CSMD1: variants seen among roughly 807,000 people sequenced by gnomAD.
CSMD1 encodes the protein CUB and sushi domain-containing protein 1.
A neutral mutation model predicts 417.5 loss-of-function variants in CSMD1; 213 were observed. The observed-to-expected ratio is 0.51, with a 90% CI of 0.46 to 0.57. The LOEUF is 0.57. Ranked by LOEUF, CSMD1 falls within the 20% of genes least tolerant of loss-of-function variation. The pLI is 0.00. For synonymous variants in CSMD1, 2,862 were observed against 1,736.8 expected (o/e 1.65, Z -16.11); for missense variants, 6,923 against 4,529.7 (o/e 1.53, Z -15.17).
chr8:3,352,270 G>A (rs1486956782), intron 21 of CSMD1, among the ~76,000 whole-genome samples: 2 of 152,054 alleles, frequency 1.3e-5, no homozygotes, highest in Non-Finnish European at 1.5e-5. Flanking sequence ...ATGGGAGATG[G>A]GATTGCAAAC....
In CSMD1 at chr8:4,823,338, T is replaced by C. The variant is rs752984658; in HGVS notation, c.85+170994A>G. On this transcript the variant is annotated intron_variant, in intron 1 of 69. Transcript: ENST00000635120. ...TTCTGTGATGACTTAGTTTTTAAAA[T>C]GTATTACAATTACAATTACACTCTA... Among the ~76,000 whole-genome samples the C allele has an allele frequency of 2.0e-5, 3 of 152,074 alleles. No homozygotes were observed. The East Asian group carries it at 5.8e-4, about 29-fold the overall frequency.
chr8:3,058,659 A>G (rs779209961), intron 49 of CSMD1, among the ~76,000 whole-genome samples: 2 of 152,084 alleles, frequency 1.3e-5, no homozygotes, highest in African/African-American at 4.8e-5. Context: ...TGCTGATGGC[A>G]CTAATATCCT....
At chr8:4,079,144 T>TA (rs1799991507) in intron 3 of CSMD1, among the ~76,000 whole-genome samples, 1 of 151,694 alleles carries the variant, frequency 6.6e-6, no homozygotes, top group Non-Finnish European at 1.5e-5. Flanking sequence ...CTGGATCATA[T>TA]AAAAGAGAAA....
At chr8:4,908,124 G>T (rs779727721) in intron 1 of CSMD1, among the ~76,000 whole-genome samples, 62 of 152,098 alleles carry the variant, frequency 4.1e-4, no homozygotes, top group Non-Finnish European at 2.6e-4. Context: ...GTATAATTTT[G>T]CTGGGTACAG....
At chr8:3,803,106 C>A (rs748512374) in intron 5 of CSMD1, among the ~76,000 whole-genome samples, 1 of 152,188 alleles carries the variant, frequency 6.6e-6, no homozygotes, top group Non-Finnish European at 1.5e-5. Context: ...GCAGTGTTCT[C>A]TCCATCATGC....
chr8:3,072,018 G>A (rs1189134452), intron 49 of CSMD1, among the ~76,000 whole-genome samples: 1 of 152,122 alleles, frequency 6.6e-6, no homozygotes, highest in African/African-American at 2.4e-5. Context: ...AAACAAGCAT[G>A]GTAAATGATT....
intron 23 of CSMD1, among the ~76,000 whole-genome samples, chr8:3,314,112 G>A (rs1480978052): frequency 6.6e-6 from 1 of 151,828 alleles, no homozygotes; most frequent in Non-Finnish European, 1.5e-5. Context: ...ACACACCGGA[G>A]CCTGTTGTGG....
In CSMD1 at chr8:4,051,881, T is replaced by TCTCCATCC. The variant is rs372763456; in HGVS notation, c.416-19783_416-19782insGGATGGAG. ...CTTTCTTTCTTTCCTTCCTCCTTTC[T>TCTCCATCC]TCCTTCCTTCCTTCCTTCCTTCCTT... On this transcript the variant is annotated intron_variant, in intron 3 of 69. Coordinates refer to ENST00000635120, the MANE Select transcript of CSMD1 (RefSeq NM_033225.6). Among the ~76,000 whole-genome samples the TCTCCATCC allele has an allele frequency of 1.1e-4, 15 of 134,098 alleles. 1 individual carries two copies. Among genetic ancestry groups the TCTCCATCC allele is most frequent in the East Asian group, 2.3e-4 (1 of 4,402 alleles). 88.0% of individuals were successfully genotyped at this position (134,098 alleles called of 152,430 possible).
intron 5 of CSMD1, among the ~76,000 whole-genome samples, chr8:3,855,815 G>A (rs951372373): frequency 2.0e-5 from 3 of 152,082 alleles, no homozygotes; most frequent in African/African-American, 7.2e-5. Flanking sequence ...TACTAGTAGG[G>A]TATTACGTAA....
chr8:4,149,981 C>T (rs4875290), intron 3 of CSMD1, among the ~76,000 whole-genome samples: 2 of 152,060 alleles, frequency 1.3e-5, no homozygotes, highest in African/African-American at 4.8e-5. Context: ...AGCACTGTCA[C>T]AGAGAAGTCA....
chr8:3,341,220 G>T (rs1360409335), intron 23 of CSMD1, among the ~76,000 whole-genome samples: 3 of 152,040 alleles, frequency 2.0e-5, no homozygotes, highest in African/African-American at 7.2e-5. Context: ...CATGGAACAA[G>T]CCGACCACCT....
intron 49 of CSMD1, among the ~76,000 whole-genome samples, chr8:3,075,132 G>C (rs1164876461): frequency 6.6e-6 from 1 of 152,044 alleles, no homozygotes; most frequent in East Asian, 1.9e-4. Flanking sequence ...TTCACCTTCT[G>C]CCATGATTAG....
At chr8:4,601,434 T>C (rs983082440) in intron 2 of CSMD1, among the ~76,000 whole-genome samples, 8 of 152,192 alleles carry the variant, frequency 5.3e-5, no homozygotes, top group African/African-American at 1.9e-4. Context: ...GACCCACTTC[T>C]ACAGGGATCA....
At chr8:4,134,175 T>C (rs1803279662) in intron 3 of CSMD1, among the ~76,000 whole-genome samples, 1 of 152,160 alleles carries the variant, frequency 6.6e-6, no homozygotes, top group Non-Finnish European at 1.5e-5. Flanking sequence ...GTTTGACTAT[T>C]TAAAATTAAA....
At chr8:4,832,924 C>T (rs1585179093) in intron 1 of CSMD1, among the ~76,000 whole-genome samples, 1 of 152,164 alleles carries the variant, frequency 6.6e-6, no homozygotes, top group South Asian at 2.1e-4. Context: ...AGTTTAGTAC[C>T]CTTGATTCTA....
intron 9 of CSMD1, 93 bp from the exon 10 acceptor site, chr8:3,575,159 T>C: frequency 1.6e-6 from 2 of 1,265,110 alleles, no homozygotes; most frequent in Non-Finnish European, 2.1e-6. Context: ...TTAGCTATTA[T>C]CTAATCACAG....
chr8:3,582,042 G>A (rs759664403), intron 9 of CSMD1, among the ~76,000 whole-genome samples: 48 of 152,266 alleles, frequency 3.2e-4, no homozygotes, highest in Non-Finnish European at 6.6e-4. Flanking sequence ...TGATCTGCCT[G>A]CCTTGGCCTC....
intron 1 of CSMD1, among the ~76,000 whole-genome samples, chr8:4,925,311 A>C (rs960344272): frequency 6.9e-6 from 1 of 145,142 alleles, no homozygotes; most frequent in Non-Finnish European, 1.5e-5. Context: ...TCCAGACACA[A>C]GTAGGTGGTC....
intron 11 of CSMD1, among the ~76,000 whole-genome samples, chr8:3,481,896 T>G (rs917584417): frequency 1.3e-5 from 2 of 152,130 alleles, no homozygotes; most frequent in African/African-American, 4.8e-5. Flanking sequence ...GAACTGAGAG[T>G]ACAAATTTCT....
Sources: allele counts gnomAD v4.1 joint callset (sites outside exome capture counted in the v4.1 genomes callset), GRCh38; gene constraint gnomAD v4.1.1; transcripts MANE v1.5; gene names NCBI Gene and HGNC (gene_info 2026-07-23, HGNC 2026-07-21).